The following SLC5A11 variants were observed in gnomAD, a reference collection of about 807,000 sequenced individuals.
SLC5A11 encodes the protein solute carrier family 5 member 11.
SLC5A11 carries 48 observed loss-of-function variants against 69.8 expected under a neutral mutation model. The observed-to-expected ratio is 0.69, with a 90% CI of 0.55 to 0.87. The LOEUF is 0.87. Ranked by LOEUF, SLC5A11 falls within the 40% of genes least tolerant of loss-of-function variation. The probability of loss-of-function intolerance (pLI) is 0.00; values close to 1 mark genes in which losing one functional copy is unlikely to be tolerated. For synonymous variants in SLC5A11, 319 were observed against 342.4 expected (o/e 0.93, Z 0.75); for missense variants, 784 against 866.1 (o/e 0.91, Z 1.19).
chr16:24,904,951 C>A (rs796621041), intron 10 of SLC5A11, among the ~76,000 whole-genome samples: 1 of 152,054 alleles, frequency 6.6e-6, no homozygotes, highest in African/African-American at 2.4e-5. Context: ...CCCTCCACCC[C>A]CCGACAGGCC....
Position 24,870,489 on chromosome 16 carries a change from A to C in SLC5A11, c.312+484A>C, listed in dbSNP as rs916297927. Among the ~76,000 whole-genome samples the C allele has an allele frequency of 1.1e-4, 16 of 146,888 alleles. No individual in the cohort carries two copies. The East Asian group carries it at 1.5e-3, about 14-fold the overall frequency. ...CAAACCCAAAAAACACAAAAAAAAA[A>C]CAATAGTGGGTTGGGCGCGATGGCT... On this transcript the variant is annotated intron_variant, in intron 4 of 15. Transcript: ENST00000347898.
chr16:24,851,548 AAAAAC>A (rs1031631401), intron 1 of SLC5A11, among the ~76,000 whole-genome samples: 1 of 151,836 alleles, frequency 6.6e-6, no homozygotes, highest in Non-Finnish European at 1.5e-5. Flanking sequence ...TCATCTCAAA[AAAAAC>A]AAAACAAAAC....
intron 7 of SLC5A11, among the ~76,000 whole-genome samples, chr16:24,878,774 T>C (rs2047851529): frequency 6.6e-6 from 1 of 152,186 alleles, no homozygotes; most frequent in East Asian, 1.9e-4. Flanking sequence ...GGCTCACGTG[T>C]GTAATCCCAA....
rs2047077682 is a variant in SLC5A11, at chr16:24,868,704, A to T, written c.208-1197A>T. On this transcript the variant is annotated intron_variant, in intron 3 of 15. Coordinates refer to ENST00000347898, the Ensembl canonical transcript of SLC5A11. ...CAGAAGGATAAACATGAAATCCATG[A>T]AATAGAATTTGATAAGAAGCAGAGA... Among the ~76,000 whole-genome samples the T allele has an allele frequency of 2.0e-5, 3 of 152,300 alleles. No homozygotes were observed. In the South Asian group the frequency reaches 6.2e-4, roughly 32 times the overall value.
intron 1 of SLC5A11, among the ~76,000 whole-genome samples, chr16:24,851,536 C>A (rs2059307007): frequency 6.6e-6 from 1 of 151,462 alleles, no homozygotes; most frequent in Non-Finnish European, 1.5e-5. Context: ...CAGAGTGAGA[C>A]TTCATCTCAA....
At chr16:24,865,371 G>A (rs1169980378) in intron 3 of SLC5A11, among the ~76,000 whole-genome samples, 1 of 152,100 alleles carries the variant, frequency 6.6e-6, no homozygotes, top group African/African-American at 2.4e-5. Flanking sequence ...AACCAGCCTG[G>A]CCAACCTGGA....
At position 24,907,186 on chromosome 16, in the gene SLC5A11, A is replaced by G. The variant is rs2050134377; in HGVS notation, c.1265+11A>G. Reference sequence around the variant, plus strand: ...CATGATTGTGGGCAGGTAAGTCCCCACTGGGTGGGGCTGGGGCAGGGGGAA... The same window carrying G: ...CATGATTGTGGGCAGGTAAGTCCCCGCTGGGTGGGGCTGGGGCAGGGGGAA... On this transcript the variant is annotated intron_variant, in intron 12 of 15. Transcript: ENST00000347898. 1 of 1,613,572 alleles carries G rather than the reference A, an allele frequency of 6.2e-7. No homozygotes were observed. Among genetic ancestry groups the G allele is most frequent in the Non-Finnish European group, 8.5e-7 (1 of 1,179,824 alleles).
rs562202677 is a variant in SLC5A11, at chr16:24,887,338, CAA to C, written c.664+3209_664+3210del. Among the ~76,000 whole-genome samples, 42 of 152,220 alleles carry C rather than the reference CAA, an allele frequency of 2.8e-4. 1 individual carries two copies. In the East Asian group the frequency reaches 4.1e-3, roughly 15 times the overall value. Reference sequence around the variant, plus strand: ...ATCTGAAAAAATTGTGTGGTCAAGGCAAACGTTACATAAAGAATATAACAATT... The same window carrying C: ...ATCTGAAAAAATTGTGTGGTCAAGGCACGTTACATAAAGAATATAACAATT... On this transcript the variant is annotated intron_variant, in intron 8 of 15. Transcript: ENST00000347898.
In SLC5A11 at chr16:24,851,418, T is replaced by C. The variant is rs111863301; in HGVS notation, c.-25+4980T>C. ...GCAAACGCCTGTAATCCCAGCTACC[T>C]GGGAGGCTGAGGCAGGCGAATCGCT... On this transcript the variant is annotated intron_variant, in intron 1 of 15. Transcript: ENST00000347898. Among the ~76,000 whole-genome samples, 720 of 152,140 alleles carry C rather than the reference T, an allele frequency of 4.7e-3. 8 individuals carry two copies. Among genetic ancestry groups the C allele is most frequent in the African/African-American group, 0.017 (697 of 41,524 alleles).
At chr16:24,893,773 T>C (rs2048971816) in intron 9 of SLC5A11, among the ~76,000 whole-genome samples, 1 of 152,078 alleles carries the variant, frequency 6.6e-6, no homozygotes, top group Non-Finnish European at 1.5e-5. Context: ...GGTTTCGCTA[T>C]GTTGGCCAGG....
At chr16:24,879,313 C>T (rs1279953375) in intron 7 of SLC5A11, among the ~76,000 whole-genome samples, 3 of 152,112 alleles carry the variant, frequency 2.0e-5, no homozygotes, top group South Asian at 2.1e-4. Flanking sequence ...CATTAGTCCA[C>T]GTAGTGAGCA....
chr16:24,868,407 G>A (rs1286032185), intron 3 of SLC5A11, among the ~76,000 whole-genome samples: 10 of 150,498 alleles, frequency 6.6e-5, no homozygotes, highest in Non-Finnish European at 1.0e-4. Context: ...TGGCGAACAC[G>A]GTGAAACCCC....
chr16:24,854,005 C>T (rs921599581), intron 1 of SLC5A11, among the ~76,000 whole-genome samples: 5 of 152,280 alleles, frequency 3.3e-5, no homozygotes, highest in African/African-American at 9.6e-5. Flanking sequence ...CCCCACCTCC[C>T]GGAGACTCAG....
At chr16:24,881,827 T>C (rs759063154) in intron 7 of SLC5A11, among the ~76,000 whole-genome samples, 1 of 134,520 alleles carries the variant, frequency 7.4e-6, no homozygotes, top group Non-Finnish European at 1.7e-5. Context: ...CGTGGCACTG[T>C]GCTAAGCAGC....
intron 7 of SLC5A11, among the ~76,000 whole-genome samples, chr16:24,880,841 C>T (rs998762517): frequency 3.9e-5 from 6 of 152,172 alleles, no homozygotes; most frequent in African/African-American, 1.4e-4. Context: ...AACAGTGCAT[C>T]AGCATTTCCT....
chr16:24,865,429 T>G (rs950666813), intron 3 of SLC5A11, among the ~76,000 whole-genome samples: 2 of 152,158 alleles, frequency 1.3e-5, no homozygotes, highest in African/African-American at 4.8e-5. Flanking sequence ...TAGTGGTTCA[T>G]GCCTGTAATC....
intron 5 of SLC5A11, among the ~76,000 whole-genome samples, chr16:24,875,171 G>A (rs76625561): frequency 0.013 from 2,045 of 152,164 alleles, 12 homozygotes; most frequent in Admixed American, 0.023. Context: ...CCTAGAATTT[G>A]TTTTTGTCTA....
intron 14 of SLC5A11, among the ~76,000 whole-genome samples, chr16:24,910,062 C>T (rs1470540187): frequency 6.6e-6 from 1 of 151,386 alleles, no homozygotes; most frequent in African/African-American, 2.4e-5. Context: ...GGGATAATCA[C>T]ATCCCAGCAA....
At chr16:24,850,179 G>T (rs2059239376) in intron 1 of SLC5A11, among the ~76,000 whole-genome samples, 1 of 152,126 alleles carries the variant, frequency 6.6e-6, no homozygotes, top group Non-Finnish European at 1.5e-5. Context: ...CAAACTCCCG[G>T]CCTCAAGCGA....
Sources: allele counts gnomAD v4.1 joint callset (sites outside exome capture counted in the v4.1 genomes callset), GRCh38; gene constraint gnomAD v4.1.1; transcripts MANE v1.5; gene names NCBI Gene and HGNC (gene_info 2026-07-23, HGNC 2026-07-21).